The following NF1 variants were observed in gnomAD, a reference collection of about 807,000 sequenced individuals.
The protein encoded by NF1 is neurofibromin 1.
A neutral mutation model predicts 325.7 loss-of-function variants in NF1; 122 were observed. The ratio of observed to expected loss-of-function variants is 0.37; its 90% CI spans 0.32 to 0.44. The LOEUF (loss-of-function observed/expected upper bound fraction) is 0.44, where lower values mean the gene tolerates loss of function less well. Among genes scored for constraint, NF1 ranks in the 20% least tolerant of loss-of-function variants. The probability of loss-of-function intolerance (pLI) is 1.00; values close to 1 mark genes in which losing one functional copy is unlikely to be tolerated. For missense variants in NF1, 2,140 were observed against 3,415.4 expected, an observed-to-expected ratio of 0.63 and a Z score of 9.31; for synonymous variants, 1,091 against 1,186.0, an observed-to-expected ratio of 0.92 and a Z score of 1.65.
At chr17:31,126,770 A>G (rs1051568481) in intron 1 of NF1, among the ~76,000 whole-genome samples, 7 of 152,066 alleles carry the variant, frequency 4.6e-5, no homozygotes, top group African/African-American at 1.7e-4. Flanking sequence ...TGTGTTGCAA[A>G]TATCTTTTCC....
chr17:31,344,146 A>C (rs937960912), intron 48 of NF1, among the ~76,000 whole-genome samples: 4 of 152,134 alleles, frequency 2.6e-5, no homozygotes, highest in Admixed American at 6.5e-5. Context: ...GATTTTCTTC[A>C]ACTTGTTTAT....
chr17:31,306,390 T>A (rs1044394879), intron 36 of NF1, among the ~76,000 whole-genome samples: 2 of 152,094 alleles, frequency 1.3e-5, no homozygotes, highest in African/African-American at 2.4e-5. Context: ...TTTCCATATT[T>A]TATATATATA....
rs185352360 is a variant in NF1 at position 31,178,732 on chromosome 17, C to T, written c.587-2690C>T. Among the ~76,000 whole-genome samples the T allele has an allele frequency of 1.9e-3, 290 of 152,240 alleles. 1 individual carries two copies. The highest frequency in any genetic ancestry group is 5.9e-3 in the Admixed American group (90 of 15,300). On this transcript the variant is annotated intron_variant, in intron 5 of 57. Transcript: ENST00000358273. ...CAATCCTAGTCTCTGATAAAACAGA[C>T]TTTAAACCAACAAAAAAGATCAAAA...
chr17:31,350,369 T>A lies in NF1; in HGVS notation c.7457+51T>A, dbSNP rs186309160. ...TACATAATCATAATCAAGTTTCAAT[T>A]TTCCAACTAATGGAGGCAAGCAGCA... is the stretch of plus-strand genomic sequence containing the variant. On this transcript the variant is annotated intron_variant, in intron 50 of 57. Coordinates refer to ENST00000358273, the MANE Select transcript of NF1 (RefSeq NM_001042492.3). 1.9e-6 allele frequency: 3 copies of A among 1,541,912 alleles called. No individual in the cohort carries two copies. In the Admixed American group the frequency reaches 5.0e-5, roughly 26 times the overall value.
In NF1 at chr17:31,230,280, A is replaced by G. The variant is rs1475800240; in HGVS notation, c.3011A>G (p.Asn1004Ser). The change falls in exon 23 of 58, where the codon AAT becomes AGT. Residue 1004 changes from asparagine to serine, a missense_variant. Physicochemically the swap from Asn to Ser is conservative, Grantham distance 46. Coordinates refer to ENST00000358273, the MANE Select transcript of NF1 (RefSeq NM_001042492.3). ...NLVRYVRVLGNMVHAIQIKTK... is the reference protein window; with the variant it reads ...NLVRYVRVLGSMVHAIQIKTK... ...TATAGGTATGTTCGTGTGCTTGGGA[A>G]TATGGTCCATGCAATTCAAATAAAA... The G allele has an allele frequency of 1.2e-6, 2 of 1,613,006 alleles. No individual in the cohort carries two copies. The highest frequency in any genetic ancestry group is 1.7e-5 in the Admixed American group (1 of 59,976).
intron 36 of NF1, among the ~76,000 whole-genome samples, chr17:31,315,775 T>C (rs2069005587): frequency 6.6e-6 from 1 of 152,234 alleles, no homozygotes; most frequent in Admixed American, 6.5e-5. Flanking sequence ...TGCTTTTTCC[T>C]GGTCACTGCG....
chr17:31,221,264 T>C (rs1206047520), intron 14 of NF1, among the ~76,000 whole-genome samples: 1 of 152,112 alleles, frequency 6.6e-6, no homozygotes, highest in East Asian at 1.9e-4. Context: ...TTCCCGTTAG[T>C]GTTCTCTGAG....
At position 31,374,661 on chromosome 17, in the gene NF1, T is replaced by A. The variant is rs886052804; in HGVS notation, c.*506T>A. 4.0e-5 allele frequency: 10 copies of A among 248,566 alleles called. No individual in the cohort carries two copies. The highest frequency in any genetic ancestry group is 7.1e-5 in the Non-Finnish European group (9 of 126,436). The allele number at this position is 248,566 out of a possible 1,614,324, so 15.4% of individuals were successfully genotyped here. A position where few individuals can be genotyped will look rare whatever the true frequency, so the allele number is the denominator to read the frequency against. On this transcript the variant is annotated 3_prime_UTR_variant, in exon 58 of 58. Coordinates refer to ENST00000358273, the MANE Select transcript of NF1 (RefSeq NM_001042492.3). The stretch of plus-strand genomic sequence containing the variant: ...ATCTTTTAGCTGTGGACTTTTTTTT[T>A]AACCGTACAAAACTGAAAGAACCAT...
In NF1 at chr17:31,330,470, A is replaced by G. The variant is rs2151544946; in HGVS notation, c.5784A>G (p.Glu1928=). 6.2e-7 allele frequency: 1 copy of G among 1,613,540 alleles called. No homozygotes were observed. The highest frequency in any genetic ancestry group is 1.3e-5 in the African/African-American group (1 of 75,056). The change falls in exon 39 of 58, where the codon GAA becomes GAG. Residue 1928 remains glutamate (E), a synonymous_variant. Coordinates refer to ENST00000358273, the MANE Select transcript of NF1 (RefSeq NM_001042492.3). The part of the protein sequence containing the change: ...NEPHLTLEFL[E]ECISGFSKSS... ...CACACCTCACGTTAGAATTTTTGGA[A>G]GAGTGTATTTCTGGATTTAGCAAAT... is the stretch of plus-strand genomic sequence containing the variant.
intron 57 of NF1, chr17:31,367,243 A>G: frequency 7.6e-7 from 1 of 1,312,636 alleles, no homozygotes; most frequent in Non-Finnish European, 1.0e-6. Flanking sequence ...CCTTGCTCTA[A>G]ATCAGCAGTT....
At chr17:31,131,277 T>C (rs1374951861) in intron 1 of NF1, among the ~76,000 whole-genome samples, 2 of 152,196 alleles carry the variant, frequency 1.3e-5, no homozygotes, top group Admixed American at 1.3e-4. Context: ...AGCTCAAGTG[T>C]CCTTGGTGGT....
chr17:31,124,836 C>T (rs760933213), intron 1 of NF1, among the ~76,000 whole-genome samples: 7 of 151,106 alleles, frequency 4.6e-5, no homozygotes, highest in Non-Finnish European at 1.0e-4. Context: ...CTCCTGGCCT[C>T]ATGATCTGTC....
intron 52 of NF1, 33 bp downstream of exon 52, chr17:31,356,615 A>C (rs1339387297): frequency 6.2e-7 from 1 of 1,612,344 alleles, no homozygotes; most frequent in African/African-American, 1.3e-5. Context: ...AGATCATTGA[A>C]AATAAGGTGG....
chr17:31,359,037 T>C (rs1360541064), intron 56 of NF1, 22 bp downstream of exon 56: 13 of 1,610,376 alleles, frequency 8.1e-6, no homozygotes, highest in East Asian at 4.5e-5. Flanking sequence ...TATTTTTCTC[T>C]AACTTTTGGC....
chr17:31,327,870 T>C, intron 38 of NF1, 31 bp downstream of exon 38: 1 of 1,592,214 alleles, frequency 6.3e-7, no homozygotes, highest in Non-Finnish European at 8.6e-7. Context: ...TTCAGTTTGA[T>C]TTGGGGTTTG....
chr17:31,158,502 G>A (rs2065707302), intron 2 of NF1, among the ~76,000 whole-genome samples: 1 of 152,106 alleles, frequency 6.6e-6, no homozygotes, highest in Non-Finnish European at 1.5e-5. Flanking sequence ...AAACAAAACA[G>A]CATTGTTATA....
At chr17:31,309,142 G>A (rs1227823291) in intron 36 of NF1, among the ~76,000 whole-genome samples, 2 of 152,176 alleles carry the variant, frequency 1.3e-5, no homozygotes, top group Admixed American at 1.3e-4. Flanking sequence ...GACAGATTGG[G>A]AGTTTGTACC....
intron 4 of NF1, among the ~76,000 whole-genome samples, chr17:31,166,808 A>G (rs1165266822): frequency 6.6e-6 from 1 of 152,140 alleles, no homozygotes; most frequent in African/African-American, 2.4e-5. Context: ...TCCAGTCTCC[A>G]TGTGGATGTT....
At position 31,338,145 on chromosome 17, in the gene NF1, T is replaced by C. The variant is rs1407700643; in HGVS notation, c.6819+6T>C. 7 of 1,578,784 alleles carry C rather than the reference T, an allele frequency of 4.4e-6. No homozygotes were observed. The highest frequency in any genetic ancestry group is 6.1e-6 in the Non-Finnish European group (7 of 1,147,942). ...TAATCCGTATTCTTAGCAAGGTACC[T>C]GTTCCGCCCTCACTTCTCCCAAATA... On this transcript the variant is annotated splice_donor_region_variant and intron_variant, in intron 45 of 57. Transcript: ENST00000358273.
Sources: gnomAD v4.1 joint callset for allele counts (sites outside exome capture counted in the v4.1 genomes callset) on GRCh38, gnomAD v4.1.1 for gene constraint, MANE v1.5 for transcripts, NCBI Gene and HGNC (gene_info 2026-07-23, HGNC 2026-07-21) for gene names.